Variants in TMEM120B observed in about 807,000 individuals in gnomAD.
TMEM120B encodes the protein transmembrane protein 120B.
TMEM120B carries 31 observed loss-of-function variants against 55.5 expected under a neutral mutation model. The ratio of observed to expected loss-of-function variants is 0.56; its 90% CI spans 0.42 to 0.75. The LOEUF (loss-of-function observed/expected upper bound fraction) is 0.75, where lower values mean the gene tolerates loss of function less well. Among genes scored for constraint, TMEM120B ranks in the 30% least tolerant of loss-of-function variants. The pLI, the probability that TMEM120B is intolerant of heterozygous loss-of-function variation, is 0.00. For missense variants in TMEM120B, 399 were observed against 425.5 expected, an observed-to-expected ratio of 0.94 and a Z score of 0.55; for synonymous variants, 203 against 176.3, an observed-to-expected ratio of 1.15 and a Z score of -1.20.
At chr12:121,719,437 T>C (rs1427700868) in intron 1 of TMEM120B, among the ~76,000 whole-genome samples, 1 of 151,882 alleles carries the variant, frequency 6.6e-6, no homozygotes, top group Non-Finnish European at 1.5e-5. Flanking sequence ...ACCACAAAAA[T>C]TAGCTAGGCA....
intron 1 of TMEM120B, among the ~76,000 whole-genome samples, chr12:121,722,796 T>A (rs1455587187): frequency 6.6e-6 from 1 of 151,824 alleles, no homozygotes; most frequent in Non-Finnish European, 1.5e-5. Context: ...CAGGAAGGTC[T>A]CGCTGAAAAT....
chr12:121,761,199 G>A (rs1191665274), intron 5 of TMEM120B, among the ~76,000 whole-genome samples: 3 of 152,066 alleles, frequency 2.0e-5, no homozygotes, highest in Non-Finnish European at 4.4e-5. Flanking sequence ...AACTGGTCTC[G>A]AACTCCTGGC....
rs553708084 is a variant in TMEM120B at position 121,761,598 on chromosome 12, G to A, written c.462-51G>A. ...TCTGTGAGGTGAGGGTGGGATGGCTGTGCCTGGTTCTCACGCCCGCACCCC... is the reference window on the plus strand; with the variant it reads ...TCTGTGAGGTGAGGGTGGGATGGCTATGCCTGGTTCTCACGCCCGCACCCC... On this transcript the variant is annotated intron_variant, in intron 5 of 11. Coordinates refer to ENST00000449592, the MANE Select transcript of TMEM120B (RefSeq NM_001080825.2). The A allele has an allele frequency of 1.5e-5, 21 of 1,421,792 alleles. No homozygotes were observed. In the Admixed American group the frequency reaches 2.0e-4, roughly 14 times the overall value. 88.1% of individuals were successfully genotyped at this position (1,421,792 alleles called of 1,614,324 possible).
intron 6 of TMEM120B, among the ~76,000 whole-genome samples, chr12:121,765,096 C>T (rs545193090): frequency 2.0e-5 from 3 of 151,934 alleles, no homozygotes; most frequent in East Asian, 1.9e-4. Context: ...TGGGAGCACC[C>T]ACAGAGGTTT....
chr12:121,750,843 C>T (rs1873271108), intron 4 of TMEM120B, among the ~76,000 whole-genome samples: 1 of 134,748 alleles, frequency 7.4e-6, no homozygotes, highest in Admixed American at 7.2e-5. Context: ...ACACCACACT[C>T]CACACCCCAT....
At chr12:121,739,716 C>A (rs1038679254) in intron 1 of TMEM120B, among the ~76,000 whole-genome samples, 43 of 151,792 alleles carry the variant, frequency 2.8e-4, no homozygotes, top group African/African-American at 9.4e-4. Context: ...AAGTGATCCA[C>A]ACACCACAGC....
Position 121,770,953 on chromosome 12 carries a change from T to C in TMEM120B, c.598T>C (p.Ser200Pro). The change falls in exon 7 of 12, where the codon TCC (serine) becomes CCC (proline). Residue 200 changes from serine (S) to proline (P), a missense_variant. This residue lies in a region of TMEM120B where 260 missense variants were observed against 303.9 expected (regional missense o/e 0.86). Transcript: ENST00000449592. ...VSHHYVSTFL[S>P]GVMLTWPNGP... ...TCACCACTACGTCTCCACATTCCTG[T>C]CCGGAGTGATGCTGACCTGGTGAGT... 1 of 1,614,000 alleles carries C rather than the reference T, an allele frequency of 6.2e-7. No individual in the cohort carries two copies. Among genetic ancestry groups the C allele is most frequent in the Non-Finnish European group, 8.5e-7 (1 of 1,179,960 alleles).
chr12:121,716,930 T>C (rs772467215), intron 1 of TMEM120B, among the ~76,000 whole-genome samples: 5 of 152,172 alleles, frequency 3.3e-5, no homozygotes, highest in Non-Finnish European at 7.3e-5. Flanking sequence ...GAAAGATCTT[T>C]GGAATTTCCC....
chr12:121,779,819 T>A lies in TMEM120B; in HGVS notation c.*4097T>A. 1.3e-6 allele frequency: 1 copy of A among 752,412 alleles called. No individual in the cohort carries two copies. Among genetic ancestry groups the A allele is most frequent in the Non-Finnish European group, 2.1e-6 (1 of 471,114 alleles). The allele number at this position is 752,412 out of a possible 1,614,324, so 46.6% of individuals were successfully genotyped here. On this transcript the variant is annotated 3_prime_UTR_variant, in exon 12 of 12. Transcript: ENST00000449592. ...CATCCTGGCTGCCCCTCACAGTGTG[T>A]GGGTGGAATGGAGGGCCAGGGCAGT...
intron 1 of TMEM120B, among the ~76,000 whole-genome samples, chr12:121,714,741 T>C (rs1208608754): frequency 6.6e-6 from 1 of 151,554 alleles, no homozygotes; most frequent in African/African-American, 2.4e-5. Flanking sequence ...TTTGTATTTT[T>C]AGTAGAGACA....
rs1451439290 is a variant in TMEM120B at position 121,712,810 on chromosome 12, G to C, written c.-86G>C. ...GCTGGTGCCTCCGAGGGCGGTCGGC[G>C]AGCGCGCGGGCGTGGGGCGCTGGGG... On this transcript the variant is annotated 5_prime_UTR_variant, in exon 1 of 12. Transcript: ENST00000449592. 9.4e-7 allele frequency: 1 copy of C among 1,059,140 alleles called. No homozygotes were observed. Among genetic ancestry groups the C allele is most frequent in the African/African-American group, 1.7e-5 (1 of 59,626 alleles). The allele number at this position is 1,059,140 out of a possible 1,614,324, so 65.6% of individuals were successfully genotyped here.
intron 5 of TMEM120B, chr12:121,758,493 G>A (rs558798257): frequency 4.1e-6 from 4 of 977,356 alleles, no homozygotes; most frequent in Non-Finnish European, 4.8e-6. Context: ...GGAGGAGGAC[G>A]GCCCAGCCCC....
intron 1 of TMEM120B, among the ~76,000 whole-genome samples, chr12:121,730,756 G>A (rs1592927833): frequency 6.6e-6 from 1 of 151,300 alleles, no homozygotes; most frequent in Non-Finnish European, 1.5e-5. Flanking sequence ...TTGGGAGTTC[G>A]AGACCAGCCT....
chr12:121,730,972 A>C (rs1187273552), intron 1 of TMEM120B, among the ~76,000 whole-genome samples: 1 of 151,956 alleles, frequency 6.6e-6, no homozygotes, highest in African/African-American at 2.4e-5. Flanking sequence ...AAAAAAAAAG[A>C]AAAGACACAT....
intron 5 of TMEM120B, among the ~76,000 whole-genome samples, chr12:121,754,176 G>A (rs756462819): frequency 3.3e-5 from 5 of 152,212 alleles, no homozygotes; most frequent in Admixed American, 6.5e-5. Flanking sequence ...GCCCGTGCTC[G>A]CCTGCTGCCC....
intron 1 of TMEM120B, among the ~76,000 whole-genome samples, chr12:121,741,271 A>G (rs1872926748): frequency 6.6e-6 from 1 of 152,180 alleles, no homozygotes; most frequent in African/African-American, 2.4e-5. Context: ...CTGGTGAAGA[A>G]TAGAGGCGAG....
At position 121,780,954 on chromosome 12, in the gene TMEM120B, C is replaced by G. The variant is rs547035963; in HGVS notation, c.*5232C>G. On this transcript the variant is annotated 3_prime_UTR_variant, in exon 12 of 12. Coordinates refer to ENST00000449592, the MANE Select transcript of TMEM120B (RefSeq NM_001080825.2). Reference sequence around the variant, plus strand: ...GTCCTTCCTCAGGTCTGTCTTGCAGCCGATGAGCACCATGGGGATCCCGCG... The same window carrying G: ...GTCCTTCCTCAGGTCTGTCTTGCAGGCGATGAGCACCATGGGGATCCCGCG... 2.2e-5 allele frequency: 35 copies of G among 1,614,132 alleles called. No individual in the cohort carries two copies. In the South Asian group the frequency reaches 3.7e-4, roughly 17 times the overall value.
intron 1 of TMEM120B, among the ~76,000 whole-genome samples, chr12:121,731,257 A>AT (rs1368461745): frequency 6.6e-6 from 1 of 151,746 alleles, no homozygotes; most frequent in East Asian, 1.9e-4. Context: ...TTATTTATTT[A>AT]TTTTATTTTT....
chr12:121,775,547 T>C lies in TMEM120B; in HGVS notation c.907-62T>C, dbSNP rs1308791390. The C allele has an allele frequency of 1.3e-6, 2 of 1,558,198 alleles. No individual in the cohort carries two copies. Among genetic ancestry groups the C allele is most frequent in the Non-Finnish European group, 1.7e-6 (2 of 1,152,022 alleles). ...AGCTGTGCTGGAGATTCTGGGGTGC[T>C]GGGGGCAGGGGTTCAGCAGGGCAGA... On this transcript the variant is annotated intron_variant, in intron 11 of 11. Transcript: ENST00000449592. The surrounding 1 kb of genome is among the most constrained non-coding windows in gnomAD (Gnocchi z 4.3).
Sources: allele counts gnomAD v4.1 joint callset (sites outside exome capture counted in the v4.1 genomes callset), GRCh38; gene constraint gnomAD v4.1.1; regional missense constraint gnomAD v4.1.1; non-coding constraint Gnocchi (gnomAD v3.1); transcripts MANE v1.5; gene names NCBI Gene and HGNC (gene_info 2026-07-23, HGNC 2026-07-21).